Variants in CRPPA observed in about 807,000 individuals in gnomAD.
CRPPA encodes the protein D-ribitol-5-phosphate cytidylyltransferase.
Under a neutral mutation model 52.0 loss-of-function variants are expected in CRPPA, and 43 were observed. The observed-to-expected ratio is 0.83, with a 90% CI of 0.65 to 1.07. CRPPA has a LOEUF of 1.07. Ranked by LOEUF, CRPPA falls within the 50% of genes least tolerant of loss-of-function variation. The probability of loss-of-function intolerance (pLI) is 0.00; values close to 1 mark genes in which losing one functional copy is unlikely to be tolerated. For synonymous variants in CRPPA, 250 were observed against 203.5 expected, an observed-to-expected ratio of 1.23 and a Z score of -1.94; for missense variants, 629 against 551.7, an observed-to-expected ratio of 1.14 and a Z score of -1.40.
rs376369712 is a variant in CRPPA, at chr7:16,267,372, A to C, written c.934-8360T>G. ...TATAAATGCAGATTTTAATTCTTTT[A>C]GATTTGGGGTAAAGCTAAGAATAAA... On this transcript the variant is annotated intron_variant, in intron 6 of 9. Transcript: ENST00000407010. Among the ~76,000 whole-genome samples the C allele has an allele frequency of 7.9e-4, 120 of 152,330 alleles. 1 individual carries two copies. The East Asian group carries it at 0.018, about 23-fold the overall frequency.
intron 9 of CRPPA, among the ~76,000 whole-genome samples, chr7:16,097,153 G>T (rs1319514424): frequency 6.6e-6 from 1 of 151,868 alleles, no homozygotes. Context: ...AAAATTCAAG[G>T]CTTCAGTAAA....
intron 9 of CRPPA, among the ~76,000 whole-genome samples, chr7:16,180,758 T>G (rs970169286): frequency 6.6e-6 from 1 of 152,076 alleles, no homozygotes; most frequent in East Asian, 1.9e-4. Flanking sequence ...AAAGAAGTCC[T>G]TTATAAAATA....
At chr7:16,212,698 T>A (rs1330947726) in intron 9 of CRPPA, among the ~76,000 whole-genome samples, 1 of 152,200 alleles carries the variant, frequency 6.6e-6, no homozygotes, top group Non-Finnish European at 1.5e-5. Flanking sequence ...AGCACCACCA[T>A]CCTCTGTCTC....
chr7:16,228,672 T>G (rs2128402224), intron 8 of CRPPA, among the ~76,000 whole-genome samples: 1 of 152,072 alleles, frequency 6.6e-6, no homozygotes, highest in South Asian at 2.1e-4. Context: ...TTGGTATAAT[T>G]TCAATCTTAA....
chr7:16,326,033 T>C (rs978777125), intron 3 of CRPPA, among the ~76,000 whole-genome samples: 2 of 147,366 alleles, frequency 1.4e-5, no homozygotes, highest in Non-Finnish European at 1.5e-5. Flanking sequence ...TTTTAACATA[T>C]GTAAATATGC....
At chr7:16,109,613 T>C (rs945337089) in intron 9 of CRPPA, among the ~76,000 whole-genome samples, 4 of 151,704 alleles carry the variant, frequency 2.6e-5, no homozygotes, top group African/African-American at 9.7e-5. Flanking sequence ...GAACAACAAA[T>C]TAAAAGGATA....
chr7:16,102,362 A>G (rs1782063712), intron 9 of CRPPA, among the ~76,000 whole-genome samples: 1 of 152,234 alleles, frequency 6.6e-6, no homozygotes, highest in African/African-American at 2.4e-5. Context: ...TCCTAGAAGA[A>G]AACTGAGGCA....
Position 16,258,961 on chromosome 7 carries a change from G to T in CRPPA, c.985C>A (p.Gln329Lys), listed in dbSNP as rs202126749. 53 of 1,611,138 alleles carry T rather than the reference G, an allele frequency of 3.3e-5. No individual in the cohort carries two copies. In the African/African-American group the frequency reaches 6.1e-4, roughly 19 times the overall value. Residue 329 changes from glutamine to lysine, a missense_variant, in exon 7 of 10, where the codon CAA (glutamine) becomes AAA (lysine). Coordinates refer to ENST00000407010, the MANE Select transcript of CRPPA (RefSeq NM_001101426.4). ...ALGHAGRHLQ[Q>K]IILDQCYNFV... is the part of the protein sequence containing the mutation. ...TTGTAGCATTGATCTAAGATGATTTGCTGAAGATGTCTGCCAGCATGACCC... is the reference window on the plus strand; with the variant it reads ...TTGTAGCATTGATCTAAGATGATTTTCTGAAGATGTCTGCCAGCATGACCC...
intron 9 of CRPPA, among the ~76,000 whole-genome samples, chr7:16,198,964 CCT>C (rs1781793916): frequency 6.6e-6 from 1 of 152,266 alleles, no homozygotes; most frequent in East Asian, 1.9e-4. Flanking sequence ...AGAATAGGAA[CCT>C]CTGTTTCCAG....
rs1031211665 is a variant in CRPPA at position 16,270,607 on chromosome 7, A to C, written c.933+7522T>G. 2.0e-5 allele frequency: 3 copies of C among 152,114 alleles called. No homozygotes were observed. The East Asian group carries it at 5.8e-4, about 29-fold the overall frequency. The allele number at this position is 152,114 out of a possible 1,614,324, so 9.4% of individuals were successfully genotyped here. On this transcript the variant is annotated intron_variant, in intron 6 of 9. Coordinates refer to ENST00000407010, the MANE Select transcript of CRPPA (RefSeq NM_001101426.4). ...CCAAATAAATCAAATGGATTTAATG[A>C]GATGGTTTTTGGCTAGTTTCTATAT...
chr7:16,248,312 C>G (rs572937918), intron 8 of CRPPA, among the ~76,000 whole-genome samples: 31 of 152,274 alleles, frequency 2.0e-4, no homozygotes, highest in African/African-American at 7.5e-4. Flanking sequence ...GCAATCCAGC[C>G]TGGGCAAAAG....
intron 6 of CRPPA, among the ~76,000 whole-genome samples, chr7:16,272,954 C>T (rs1041263288): frequency 2.0e-5 from 3 of 147,586 alleles, no homozygotes; most frequent in Admixed American, 6.7e-5. Context: ...TATCCTTTGT[C>T]GCTTTTTTTT....
At chr7:16,164,897 A>C (rs1781017070) in intron 9 of CRPPA, among the ~76,000 whole-genome samples, 1 of 152,038 alleles carries the variant, frequency 6.6e-6, no homozygotes, top group South Asian at 2.1e-4. Context: ...CCAGAGGGGC[A>C]CCTGCCAGAT....
rs551066104 is a variant in CRPPA at position 16,376,328 on chromosome 7, T to C, written c.535-87A>G. The stretch of plus-strand genomic sequence containing the variant: ...AATTCAGTATCTCACTTTTGACAGA[T>C]CTTATTCATACCTTCAACAAGCTAC... On this transcript the variant is annotated intron_variant, in intron 2 of 9. Coordinates refer to ENST00000407010, the MANE Select transcript of CRPPA (RefSeq NM_001101426.4). 90 of 1,306,748 alleles carry C rather than the reference T, an allele frequency of 6.9e-5. 1 individual carries two copies. The African/African-American group carries it at 1.1e-3, about 16-fold the overall frequency. The allele number at this position is 1,306,748 out of a possible 1,614,324, so 80.9% of individuals were successfully genotyped here. A position where few individuals can be genotyped will look rare whatever the true frequency, so the allele number is the denominator to read the frequency against.
chr7:16,360,294 T>C (rs1786410941), intron 3 of CRPPA, among the ~76,000 whole-genome samples: 1 of 152,132 alleles, frequency 6.6e-6, no homozygotes, highest in African/African-American at 2.4e-5. Context: ...CATAGTAACA[T>C]TCATTAAACA....
At chr7:16,273,584 C>T (rs776684023) in intron 6 of CRPPA, among the ~76,000 whole-genome samples, 3 of 152,020 alleles carry the variant, frequency 2.0e-5, no homozygotes, top group Non-Finnish European at 4.4e-5. Context: ...AAGCCACTTC[C>T]ACTCGTCAGT....
intron 9 of CRPPA, among the ~76,000 whole-genome samples, chr7:16,149,864 C>A (rs1783042034): frequency 6.6e-6 from 1 of 151,736 alleles, no homozygotes. Context: ...CGGTCACCTG[C>A]AGTCCCAACT....
intron 9 of CRPPA, among the ~76,000 whole-genome samples, chr7:16,119,872 T>C (rs1782448155): frequency 6.6e-6 from 1 of 152,170 alleles, no homozygotes; most frequent in African/African-American, 2.4e-5. Flanking sequence ...GCTGTATATG[T>C]TGAGTCTGGA....
At chr7:16,179,894 T>C (rs909476315) in intron 9 of CRPPA, among the ~76,000 whole-genome samples, 1 of 152,258 alleles carries the variant, frequency 6.6e-6, no homozygotes, top group East Asian at 1.9e-4. Context: ...TGACCAGCAA[T>C]AGCAGGAGCA....
Sources: gnomAD v4.1 joint callset for allele counts (sites outside exome capture counted in the v4.1 genomes callset) on GRCh38, gnomAD v4.1.1 for gene constraint, MANE v1.5 for transcripts, NCBI Gene and HGNC (gene_info 2026-07-23, HGNC 2026-07-21) for gene names.